Variants in DPYSL3 observed in about 807,000 individuals in gnomAD.
DPYSL3 encodes dihydropyrimidinase-related protein 3.
Under a neutral mutation model 66.1 loss-of-function variants are expected in DPYSL3, and 16 were observed. That is an observed-to-expected ratio of 0.24 (90% CI 0.16 to 0.37). The LOEUF is 0.37. Among genes scored for constraint, DPYSL3 ranks in the 10% least tolerant of loss-of-function variants. The pLI is 1.00. For missense variants in DPYSL3, 738 were observed against 916.2 expected (o/e 0.81, Z 2.51); for synonymous variants, 338 against 345.1 (o/e 0.98, Z 0.23).
intron 1 of DPYSL3, among the ~76,000 whole-genome samples, chr5:147,487,425 C>T (rs1348612603): frequency 6.6e-6 from 1 of 152,164 alleles, no homozygotes; most frequent in Non-Finnish European, 1.5e-5. Flanking sequence ...GTAACTACCT[C>T]AAATTTTGGA....
At chr5:147,449,004 T>C (rs1752678117) in intron 1 of DPYSL3, among the ~76,000 whole-genome samples, 1 of 152,248 alleles carries the variant, frequency 6.6e-6, no homozygotes, top group Admixed American at 6.5e-5. Flanking sequence ...TCAAGATGCC[T>C]TGCACAGAGA....
intron 1 of DPYSL3, among the ~76,000 whole-genome samples, chr5:147,501,817 C>G (rs1030063864): frequency 6.6e-6 from 1 of 152,012 alleles, no homozygotes; most frequent in African/African-American, 2.4e-5. Context: ...TGTAAAAAAT[C>G]GACTACTCTC....
chr5:147,467,527 C>T (rs1218126233), intron 1 of DPYSL3, among the ~76,000 whole-genome samples: 1 of 152,156 alleles, frequency 6.6e-6, no homozygotes, highest in Non-Finnish European at 1.5e-5. Flanking sequence ...ACCTTCTGGA[C>T]TGAATTTATT....
rs759046215 is a variant in DPYSL3 at position 147,399,201 on chromosome 5, C to A, written c.1504G>T (p.Ala502Ser). The stretch of plus-strand genomic sequence containing the variant: ...GGATACAGGTTGAAGATCTTGGCAG[C>A]GTTTGTGCTTGTCACAGCCACGAAC... ...NQFVAVTSTNAAKIFNLYPRK... is the reference protein window; with the variant it reads ...NQFVAVTSTNSAKIFNLYPRK... Residue 502 changes from alanine (A) to serine (S), a missense_variant, in exon 11 of 14, where the codon GCT (alanine) becomes TCT (serine). Ala to Ser is a moderately conservative substitution (Grantham distance 99). Coordinates refer to ENST00000343218, the MANE Select transcript of DPYSL3 (RefSeq NM_001197294.2). The A allele has an allele frequency of 1.2e-6, 2 of 1,614,186 alleles. No individual in the cohort carries two copies. Among genetic ancestry groups the A allele is most frequent in the East Asian group, 2.2e-5 (1 of 44,880 alleles).
intron 10 of DPYSL3, among the ~76,000 whole-genome samples, chr5:147,400,459 A>T (rs1321768571): frequency 6.6e-6 from 1 of 152,244 alleles, no homozygotes; most frequent in Non-Finnish European, 1.5e-5. Context: ...TCTGGTTCCT[A>T]GTCCTAACAG....
intron 1 of DPYSL3, among the ~76,000 whole-genome samples, chr5:147,457,906 G>A (rs996723837): frequency 2.2e-4 from 34 of 152,166 alleles, no homozygotes; most frequent in African/African-American, 9.7e-5. Flanking sequence ...GTATATTTCC[G>A]GGAAGGACTT....
intron 1 of DPYSL3, among the ~76,000 whole-genome samples, chr5:147,465,494 T>C (rs1243256708): frequency 6.6e-6 from 1 of 152,130 alleles, no homozygotes; most frequent in Non-Finnish European, 1.5e-5. Flanking sequence ...GAGACTGGGT[T>C]TCACTGTGTT....
At chr5:147,439,964 C>A (rs1426916268) in intron 1 of DPYSL3, among the ~76,000 whole-genome samples, 1 of 152,122 alleles carries the variant, frequency 6.6e-6, no homozygotes, top group African/African-American at 2.4e-5. Context: ...TTCGACAGAG[C>A]CATCTGCATT....
chr5:147,400,714 G>A lies in DPYSL3; in HGVS notation c.1430C>T (p.Ser477Phe). 6.2e-7 allele frequency: 1 copy of A among 1,614,088 alleles called. No individual in the cohort carries two copies. The highest frequency in any genetic ancestry group is 8.5e-7 in the Non-Finnish European group (1 of 1,179,968). The change falls in exon 10 of 14, where the codon TCT becomes TTT. Residue 477 changes from serine to phenylalanine, a missense_variant. Transcript: ENST00000343218. ...EGTNGVEERM[S>F]VIWDKAVATG... ...TACCACAGCCTTGTCCCAGATGACA[G>A]ACATCCGCTCCTCCACACCATTGGT...
At chr5:147,420,842 T>C (rs974524958) in intron 2 of DPYSL3, among the ~76,000 whole-genome samples, 2 of 152,228 alleles carry the variant, frequency 1.3e-5, no homozygotes, top group African/African-American at 4.8e-5. Flanking sequence ...GGAATCATCT[T>C]ACACCTTCAA....
intron 1 of DPYSL3, among the ~76,000 whole-genome samples, chr5:147,456,114 A>C (rs1752849201): frequency 6.6e-6 from 1 of 152,206 alleles, no homozygotes; most frequent in Admixed American, 6.5e-5. Context: ...AACAAACACT[A>C]TTTTCCTTGT....
Position 147,418,385 on chromosome 5 carries a change from A to G in DPYSL3, c.655+62T>C, listed in dbSNP as rs1212630379. 16 of 1,473,000 alleles carry G rather than the reference A, an allele frequency of 1.1e-5. No homozygotes were observed. The South Asian group carries it at 1.4e-4, about 13-fold the overall frequency. 91.2% of individuals were successfully genotyped at this position (1,473,000 alleles called of 1,614,324 possible). A position where few individuals can be genotyped will look rare whatever the true frequency, so the allele number is the denominator to read the frequency against. Reference sequence around the variant, plus strand: ...AAGTTATAGTAAGAGAGTTCTGGAGATAACACATTCATTAAACACACACTT... The same window carrying G: ...AAGTTATAGTAAGAGAGTTCTGGAGGTAACACATTCATTAAACACACACTT... On this transcript the variant is annotated intron_variant, in intron 3 of 13. Coordinates refer to ENST00000343218, the MANE Select transcript of DPYSL3 (RefSeq NM_001197294.2).
At chr5:147,405,488 G>A (rs563322015) in intron 8 of DPYSL3, 122 bp downstream of exon 8, 42 of 1,339,566 alleles carry the variant, frequency 3.1e-5, no homozygotes, top group African/African-American at 8.8e-5. Context: ...TGTGGAGAGC[G>A]GCTTCCTAGG....
At chr5:147,398,979 C>G in intron 11 of DPYSL3, 103 bp downstream of exon 11, 3 of 1,458,056 alleles carry the variant, frequency 2.1e-6, no homozygotes, top group Non-Finnish European at 2.8e-6. Flanking sequence ...TGCAACCCGT[C>G]CTAGTCTAAC....
intron 1 of DPYSL3, among the ~76,000 whole-genome samples, chr5:147,492,947 C>A (rs1011555642): frequency 2.0e-5 from 3 of 152,052 alleles, no homozygotes; most frequent in Non-Finnish European, 2.9e-5. Context: ...CTACAAAAAA[C>A]CCACTTCAAG....
chr5:147,407,477 A>G (rs1751727473), intron 7 of DPYSL3, among the ~76,000 whole-genome samples: 1 of 152,180 alleles, frequency 6.6e-6, no homozygotes, highest in Admixed American at 6.5e-5. Context: ...ACATCTCCAC[A>G]GTGACCAGCA....
chr5:147,424,332 C>T (rs1371435572), intron 2 of DPYSL3, among the ~76,000 whole-genome samples: 2 of 152,184 alleles, frequency 1.3e-5, no homozygotes, highest in African/African-American at 4.8e-5. Flanking sequence ...TTAAAGTTCA[C>T]TATGTAGGAA....
intron 1 of DPYSL3, among the ~76,000 whole-genome samples, chr5:147,472,378 CA>C (rs1581209971): frequency 6.6e-6 from 1 of 152,132 alleles, no homozygotes; most frequent in East Asian, 1.9e-4. Flanking sequence ...AAAGAAAAGT[CA>C]AGGCACCCAA....
chr5:147,489,309 G>A (rs1753380103), intron 1 of DPYSL3, among the ~76,000 whole-genome samples: 1 of 152,176 alleles, frequency 6.6e-6, no homozygotes, highest in Admixed American at 6.5e-5. Context: ...ACCAGCTCCA[G>A]GTGTTGGATC....
Sources: gnomAD v4.1 joint callset for allele counts (sites outside exome capture counted in the v4.1 genomes callset) on GRCh38, gnomAD v4.1.1 for gene constraint, MANE v1.5 for transcripts, NCBI Gene and HGNC (gene_info 2026-07-23, HGNC 2026-07-21) for gene names.